Variants in EPB41L4B observed in about 807,000 individuals in gnomAD.
EPB41L4B encodes the protein erythrocyte membrane protein band 4.1 like 4B.
In EPB41L4B, 30 loss-of-function variants were observed where a neutral mutation model predicts 112.5. The ratio of observed to expected loss-of-function variants is 0.27; its 90% confidence interval spans 0.20 to 0.36. The LOEUF is 0.36. Among genes scored for constraint, EPB41L4B ranks in the 10% least tolerant of loss-of-function variants. The pLI, the probability that EPB41L4B is intolerant of heterozygous loss-of-function variation, is 1.00. For missense variants in EPB41L4B, 1,024 were observed against 1,133.3 expected (o/e 0.90, Z 1.38); for synonymous variants, 408 against 439.7 (o/e 0.93, Z 0.90).
At chr9:109,294,165 C>T (rs1228810804) in intron 1 of EPB41L4B, among the ~76,000 whole-genome samples, 9 of 151,846 alleles carry the variant, frequency 5.9e-5, no homozygotes, top group African/African-American at 2.2e-4. Context: ...AATTAGCAGG[C>T]GTGGTGGTGG....
chr9:109,253,368 G>C, intron 12 of EPB41L4B, 73 bp downstream of exon 12: 1 of 1,055,134 alleles, frequency 9.5e-7, no homozygotes, highest in Admixed American at 2.0e-5. Context: ...TAAGCTGCTT[G>C]ACCAAGCTCC....
intron 15 of EPB41L4B, chr9:109,241,872 A>C: frequency 6.4e-7 from 1 of 1,556,608 alleles, no homozygotes; most frequent in Non-Finnish European, 8.8e-7. Flanking sequence ...AATGTAAGTG[A>C]AACAACACAA....
intron 21 of EPB41L4B, 134 bp downstream of exon 21, chr9:109,194,086 T>C (rs888617112): frequency 2.2e-6 from 2 of 918,062 alleles, no homozygotes; most frequent in Non-Finnish European, 3.2e-6. Context: ...ATGTTCTGGT[T>C]GTTGCTGTTG....
intron 1 of EPB41L4B, among the ~76,000 whole-genome samples, chr9:109,284,691 A>C (rs936003146): frequency 6.6e-6 from 1 of 152,222 alleles, no homozygotes; most frequent in Non-Finnish European, 1.5e-5. Context: ...CGGAGGCGTG[A>C]GCCCCCACGC....
rs148184486 is a variant in EPB41L4B, at chr9:109,317,459, A to G, written c.306+2682T>C. On this transcript the variant is annotated intron_variant, in intron 1 of 25. Coordinates refer to ENST00000374566, the MANE Select transcript of EPB41L4B (RefSeq NM_019114.5). ...TCATTCACCTTTGTGTCTGCAGCAC[A>G]CAGCTTGGCACATTGGAGACGCCCA... is the stretch of plus-strand genomic sequence containing the variant. Among the ~76,000 whole-genome samples, 5 of 152,358 alleles carry G rather than the reference A, an allele frequency of 3.3e-5. No individual in the cohort carries two copies. The East Asian group carries it at 9.6e-4, about 29-fold the overall frequency.
intron 13 of EPB41L4B, among the ~76,000 whole-genome samples, chr9:109,248,564 A>T (rs1404029535): frequency 6.6e-6 from 1 of 152,160 alleles, no homozygotes; most frequent in Middle Eastern, 3.2e-3. Flanking sequence ...TCTTAGAGGG[A>T]CTGAGAAAAG....
At chr9:109,314,322 A>G (rs10123945) in intron 1 of EPB41L4B, among the ~76,000 whole-genome samples, 2,766 of 152,202 alleles carry the variant, frequency 0.018, 81 homozygotes, top group African/African-American at 0.063. Flanking sequence ...GGAAGGCCCC[A>G]CCCCCATCGA....
intron 19 of EPB41L4B, 113 bp downstream of exon 19, chr9:109,203,550 T>G: frequency 1.2e-6 from 1 of 867,624 alleles, no homozygotes; most frequent in Non-Finnish European, 1.8e-6. Flanking sequence ...TCCTATTCTC[T>G]GTTTTATTTG....
intron 15 of EPB41L4B, among the ~76,000 whole-genome samples, chr9:109,237,676 G>A (rs1444902581): frequency 6.6e-6 from 1 of 152,122 alleles, no homozygotes; most frequent in Non-Finnish European, 1.5e-5. Context: ...ACCACTGGAG[G>A]GGGTGTGTTT....
At chr9:109,248,927 C>T (rs973183440) in intron 13 of EPB41L4B, among the ~76,000 whole-genome samples, 28 of 151,720 alleles carry the variant, frequency 1.8e-4, no homozygotes, top group African/African-American at 5.6e-4. Context: ...GGCGTGGTGG[C>T]GGGCACCTGT....
chr9:109,271,898 CA>C (rs1205195392), intron 2 of EPB41L4B, among the ~76,000 whole-genome samples: 1 of 152,208 alleles, frequency 6.6e-6, no homozygotes, highest in Non-Finnish European at 1.5e-5. Flanking sequence ...TTCCATAAAT[CA>C]AGATGTGTGA....
intron 15 of EPB41L4B, chr9:109,240,960 T>C: frequency 2.0e-6 from 2 of 985,424 alleles, no homozygotes; most frequent in Non-Finnish European, 2.4e-6. Flanking sequence ...AAATTCAAAG[T>C]AGCTCAACTG....
intron 20 of EPB41L4B, among the ~76,000 whole-genome samples, chr9:109,194,777 T>C (rs565347914): frequency 4.6e-5 from 7 of 152,318 alleles, no homozygotes; most frequent in African/African-American, 1.4e-4. Flanking sequence ...TGTATTGATA[T>C]TGAACGATAA....
intron 15 of EPB41L4B, among the ~76,000 whole-genome samples, chr9:109,236,905 G>GT (rs1312101930): frequency 3.3e-5 from 5 of 152,176 alleles, no homozygotes; most frequent in African/African-American, 1.2e-4. Flanking sequence ...CCAATGTAGG[G>GT]TATTTTCCTG....
At chr9:109,244,750 G>C (rs891551629) in intron 14 of EPB41L4B, among the ~76,000 whole-genome samples, 2 of 152,162 alleles carry the variant, frequency 1.3e-5, no homozygotes, top group Non-Finnish European at 2.9e-5. Context: ...ATCAGCAGAA[G>C]TCAGGGGCTT....
At chr9:109,189,794 A>G (rs1230876265) in intron 22 of EPB41L4B, among the ~76,000 whole-genome samples, 1 of 151,662 alleles carries the variant, frequency 6.6e-6, no homozygotes, top group Non-Finnish European at 1.5e-5. Flanking sequence ...ATGCCCAGCT[A>G]ATTTTTGTAT....
chr9:109,237,251 G>A (rs536865837), intron 15 of EPB41L4B, among the ~76,000 whole-genome samples: 2 of 152,268 alleles, frequency 1.3e-5, no homozygotes, highest in South Asian at 2.1e-4. Flanking sequence ...ACCAATAAAC[G>A]AAATAGGCAA....
At chr9:109,294,035 G>C (rs886862986) in intron 1 of EPB41L4B, among the ~76,000 whole-genome samples, 5 of 152,170 alleles carry the variant, frequency 3.3e-5, no homozygotes, top group African/African-American at 1.2e-4. Flanking sequence ...GGCCGGGTGT[G>C]GTGGCTCACG....
chr9:109,278,996 T>A (rs946076900), intron 2 of EPB41L4B, among the ~76,000 whole-genome samples: 1 of 152,146 alleles, frequency 6.6e-6, no homozygotes, highest in Non-Finnish European at 1.5e-5. Flanking sequence ...CACAGCTTCC[T>A]GGAACCTGCA....
Sources: allele counts gnomAD v4.1 joint callset (sites outside exome capture counted in the v4.1 genomes callset), GRCh38; gene constraint gnomAD v4.1.1; transcripts MANE v1.5; gene names NCBI Gene and HGNC (gene_info 2026-07-23, HGNC 2026-07-21).